Variants in FEM1C observed in about 807,000 individuals in gnomAD.
FEM1C encodes fem-1 homolog C, also known as protein fem-1 homolog C.
FEM1C carries 15 observed loss-of-function variants against 37.6 expected under a neutral mutation model. The observed-to-expected ratio is 0.40, with a 90% confidence interval of 0.27 to 0.61. The LOEUF is 0.61. Ranked by LOEUF, FEM1C falls within the 20% of genes least tolerant of loss-of-function variation. The probability of loss-of-function intolerance (pLI) is 0.42; values close to 1 mark genes in which losing one functional copy is unlikely to be tolerated. For synonymous variants in FEM1C, 287 were observed against 272.8 expected, an observed-to-expected ratio of 1.05 and a Z score of -0.51; for missense variants, 532 against 749.7, an observed-to-expected ratio of 0.71 and a Z score of 3.39.
intron 2 of FEM1C, among the ~76,000 whole-genome samples, chr5:115,527,468 A>G (rs560308360): frequency 1.1e-4 from 16 of 152,302 alleles, no homozygotes; most frequent in African/African-American, 3.8e-4. Flanking sequence ...ACAATGAGTA[A>G]GCTAACCAAG....
chr5:115,532,540 G>GA (rs1165866807), intron 2 of FEM1C, among the ~76,000 whole-genome samples: 40 of 146,806 alleles, frequency 2.7e-4, no homozygotes, highest in African/African-American at 4.0e-4. Flanking sequence ...AAAACAGAGG[G>GA]GAAAAAAAAA....
At chr5:115,544,482 C>G (rs974235979) in intron 1 of FEM1C, 41 bp downstream of exon 1, 2 of 154,158 alleles carry the variant, frequency 1.3e-5, no homozygotes, top group Admixed American at 6.5e-5. Context: ...GCACCTCAGG[C>G]CCCGGCCCGA....
At chr5:115,527,735 G>A (rs1467035502) in intron 2 of FEM1C, among the ~76,000 whole-genome samples, 1 of 152,104 alleles carries the variant, frequency 6.6e-6, no homozygotes, top group Non-Finnish European at 1.5e-5. Flanking sequence ...AGGCGCGGTA[G>A]CTCACGCCTG....
intron 2 of FEM1C, among the ~76,000 whole-genome samples, chr5:115,527,873 C>A (rs781134954): frequency 6.6e-6 from 1 of 151,724 alleles, no homozygotes; most frequent in Non-Finnish European, 1.5e-5. Flanking sequence ...TGGTGGCACG[C>A]GCCTGTAGTC....
chr5:115,539,248 T>C (rs1754191217), intron 2 of FEM1C, among the ~76,000 whole-genome samples: 1 of 152,058 alleles, frequency 6.6e-6, no homozygotes, highest in South Asian at 2.1e-4. Context: ...AACTTTTAGC[T>C]GCTCAATTTC....
At chr5:115,534,141 T>C (rs574259657) in intron 2 of FEM1C, among the ~76,000 whole-genome samples, 3 of 152,088 alleles carry the variant, frequency 2.0e-5, no homozygotes, top group South Asian at 4.1e-4. Flanking sequence ...TCTGGAAGAA[T>C]GAAAAGTGCC....
Position 115,524,372 on chromosome 5 carries a change from T to C in FEM1C, c.1790A>G (p.His597Arg), listed in dbSNP as rs746631310. Reference sequence around the variant, plus strand: ...GATATGCCCTTTATAATATATTCTATGATTCACTATGACACGAGCAGCAAG... The same window carrying C: ...GATATGCCCTTTATAATATATTCTACGATTCACTATGACACGAGCAGCAAG... ...QCLAARVIVNHRIYYKGHIPE... is the reference protein window; with the variant it reads ...QCLAARVIVNRRIYYKGHIPE... Residue 597 changes from histidine (H) to arginine (R), a missense_variant, in exon 3 of 3, where the codon CAT becomes CGT. This residue lies in a region of FEM1C where 237 missense variants were observed against 260.5 expected (regional missense o/e 0.91). Coordinates refer to ENST00000274457, the MANE Select transcript of FEM1C (RefSeq NM_020177.3). 2 of 1,613,546 alleles carry C rather than the reference T, an allele frequency of 1.2e-6. No individual in the cohort carries two copies. The highest frequency in any genetic ancestry group is 8.5e-7 in the Non-Finnish European group (1 of 1,179,680).
In FEM1C at chr5:115,524,940, A is replaced by G; in HGVS notation, c.1222T>C (p.Phe408Leu). 1 of 1,613,810 alleles carries G rather than the reference A, an allele frequency of 6.2e-7. No homozygotes were observed. Among genetic ancestry groups the G allele is most frequent in the Non-Finnish European group, 8.5e-7 (1 of 1,179,840 alleles). ...CAAAGTATGCCCATAAGATCATCAA[A>G]TGTAACAGTAGTACCCAGCAGGCCT... is the stretch of plus-strand genomic sequence containing the variant. The part of the protein sequence containing the change: ...AKGLLGTTVT[F>L]DDLMGILCKS... Residue 408 changes from phenylalanine to leucine, a missense_variant, in exon 3 of 3, where the codon TTT becomes CTT. Phe to Leu is a conservative substitution (Grantham distance 22, BLOSUM62 0). This residue lies in a region of FEM1C where 237 missense variants were observed against 260.5 expected (regional missense o/e 0.91). Coordinates refer to ENST00000274457, the MANE Select transcript of FEM1C (RefSeq NM_020177.3).
intron 2 of FEM1C, among the ~76,000 whole-genome samples, chr5:115,529,733 G>A (rs541275185): frequency 4.1e-4 from 62 of 152,064 alleles, no homozygotes; most frequent in African/African-American, 1.4e-3. Flanking sequence ...GAGGGTAATT[G>A]GTGTTAACGT....
At position 115,524,568 on chromosome 5, in the gene FEM1C, G is replaced by A. The variant is rs999941834; in HGVS notation, c.1594C>T (p.Leu532=). The change falls in exon 3 of 3, where the codon CTG becomes TTG. Residue 532 remains leucine (L), a synonymous_variant. Transcript: ENST00000274457. Reference sequence around the variant, plus strand: ...TGGTTGTTAAGAGCAGCGATATGCAGGGGACTGTTGTCATCCGAGTCTCTG... The same window carrying A: ...TGGTTGTTAAGAGCAGCGATATGCAAGGGACTGTTGTCATCCGAGTCTCTG... ...NVRDSDDNSP[L]HIAALNNHPD... 2.3e-5 allele frequency: 37 copies of A among 1,613,134 alleles called. No individual in the cohort carries two copies. The highest frequency in any genetic ancestry group is 3.1e-5 in the Non-Finnish European group (36 of 1,179,586).
chr5:115,534,915 A>G (rs555441276), intron 2 of FEM1C, among the ~76,000 whole-genome samples: 1 of 152,112 alleles, frequency 6.6e-6, no homozygotes, highest in Non-Finnish European at 1.5e-5. Context: ...TGTTTGCTAT[A>G]TAGATACTTG....
chr5:115,537,561 C>T (rs1754154837), intron 2 of FEM1C, among the ~76,000 whole-genome samples: 1 of 151,918 alleles, frequency 6.6e-6, no homozygotes. Context: ...CTAATTCTTC[C>T]CAAGGACACA....
chr5:115,536,896 G>T (rs1167711760), intron 2 of FEM1C, among the ~76,000 whole-genome samples: 31 of 151,936 alleles, frequency 2.0e-4, no homozygotes, highest in Non-Finnish European at 1.5e-5. Flanking sequence ...GGGAGATGAA[G>T]AATTGCATTT....
chr5:115,525,622 A>G lies in FEM1C; in HGVS notation c.545-5T>C, dbSNP rs760660472. 3 of 1,600,432 alleles carry G rather than the reference A, an allele frequency of 1.9e-6. No individual in the cohort carries two copies. The highest frequency in any genetic ancestry group is 1.7e-6 in the Non-Finnish European group (2 of 1,173,376). ...AATCATGCAATGCAGTATTACCTTA[A>G]AGAGAGAGAGAAAAAAAGAAATAAC... is the stretch of plus-strand genomic sequence containing the variant. On this transcript the variant is annotated splice_polypyrimidine_tract_variant and splice_region_variant and intron_variant, in intron 2 of 2. Transcript: ENST00000274457.
chr5:115,528,734 C>T (rs1252013637), intron 2 of FEM1C, among the ~76,000 whole-genome samples: 1 of 151,950 alleles, frequency 6.6e-6, no homozygotes, highest in African/African-American at 2.4e-5. Flanking sequence ...GGAACCATAA[C>T]ACAAAAAACA....
chr5:115,538,794 A>G (rs1280805485), intron 2 of FEM1C, among the ~76,000 whole-genome samples: 1 of 151,920 alleles, frequency 6.6e-6, no homozygotes, highest in Non-Finnish European at 1.5e-5. Context: ...CATATTCTTC[A>G]AAGTGCCTTT....
intron 1 of FEM1C, 109 bp from the exon 2 acceptor site, chr5:115,543,792 G>C: frequency 1.8e-6 from 2 of 1,142,848 alleles, no homozygotes; most frequent in Non-Finnish European, 2.2e-6. Context: ...TATACTTCAG[G>C]CACTACTCCA....
intron 2 of FEM1C, among the ~76,000 whole-genome samples, chr5:115,526,257 T>G (rs192521990): frequency 7.1e-4 from 108 of 152,274 alleles, no homozygotes; most frequent in Admixed American, 7.2e-4. Context: ...CAAGTTGAAT[T>G]TCAACTGTCT....
chr5:115,544,338 CCAGA>C (rs1754311081), intron 1 of FEM1C, among the ~76,000 whole-genome samples, 181 bp downstream of exon 1: 2 of 151,588 alleles, frequency 1.3e-5, no homozygotes, highest in African/African-American at 4.8e-5. Flanking sequence ...TCTCCCTGTT[CCAGA>C]CAACGGCAGC....
Sources: gnomAD v4.1 joint callset for allele counts (sites outside exome capture counted in the v4.1 genomes callset) on GRCh38, gnomAD v4.1.1 for gene constraint, gnomAD v4.1.1 regional missense constraint, MANE v1.5 for transcripts, NCBI Gene and HGNC (gene_info 2026-07-23, HGNC 2026-07-21) for gene names.